Variants in JMJD1C observed in about 807,000 individuals in gnomAD.
JMJD1C encodes the protein jumonji domain containing 1C, also known as jumonji domain-containing protein 1C.
Under a neutral mutation model 245.3 loss-of-function variants are expected in JMJD1C, and 31 were observed. The ratio of observed to expected loss-of-function variants is 0.13; its 90% confidence interval spans 0.09 to 0.17. The LOEUF (loss-of-function observed/expected upper bound fraction) is 0.17, where lower values mean the gene tolerates loss of function less well. Among genes scored for constraint, JMJD1C ranks in the 10% least tolerant of loss-of-function variants. The pLI, the probability that JMJD1C is intolerant of heterozygous loss-of-function variation, is 1.00. For missense variants in JMJD1C, 2,691 were observed against 3,000.2 expected, an observed-to-expected ratio of 0.90 and a Z score of 2.41; for synonymous variants, 1,057 against 1,017.4, an observed-to-expected ratio of 1.04 and a Z score of -0.74.
chr10:63,283,008 C>A (rs997866782), intron 2 of JMJD1C, among the ~76,000 whole-genome samples: 2 of 152,206 alleles, frequency 1.3e-5, no homozygotes, highest in Non-Finnish European at 2.9e-5. Context: ...TGAGCCACAG[C>A]GCCCAGCCCT....
At chr10:63,443,806 T>C (rs921374868) in intron 1 of JMJD1C, among the ~76,000 whole-genome samples, 2 of 152,222 alleles carry the variant, frequency 1.3e-5, no homozygotes, top group African/African-American at 4.8e-5. Flanking sequence ...CCTGAAGTTA[T>C]CTAGAAGTCC....
At chr10:63,411,419 C>T (rs1589695925) in intron 1 of JMJD1C, among the ~76,000 whole-genome samples, 3 of 151,726 alleles carry the variant, frequency 2.0e-5, no homozygotes, top group East Asian at 3.9e-4. Flanking sequence ...CTGCCTCAGC[C>T]TCCTGAATAG....
chr10:63,256,946 A>G (rs1343461000), intron 3 of JMJD1C, among the ~76,000 whole-genome samples: 14 of 152,256 alleles, frequency 9.2e-5, no homozygotes, highest in African/African-American at 3.1e-4. Flanking sequence ...ATATAGAAAA[A>G]GAGAGTAGCC....
Position 63,193,340 on chromosome 10 carries a change from C to A in JMJD1C, c.5862+5G>T. 6.3e-7 allele frequency: 1 copy of A among 1,578,714 alleles called. No homozygotes were observed. Among genetic ancestry groups the A allele is most frequent in the South Asian group, 1.2e-5 (1 of 85,106 alleles). ...TTATTTGAATAACCAGAGATTTTTA[C>A]TCACTTGAGATACACCATTCATTGT... On this transcript the variant is annotated splice_donor_5th_base_variant and intron_variant, in intron 15 of 25. Transcript: ENST00000399262.
At chr10:63,303,079 T>C (rs1331057196) in intron 2 of JMJD1C, among the ~76,000 whole-genome samples, 4 of 151,936 alleles carry the variant, frequency 2.6e-5, no homozygotes, top group Admixed American at 6.6e-5. Context: ...AAGAAAGTAA[T>C]AGGAAAAAAA....
At chr10:63,422,276 G>A (rs1950170744) in intron 1 of JMJD1C, among the ~76,000 whole-genome samples, 1 of 152,136 alleles carries the variant, frequency 6.6e-6, no homozygotes, top group African/African-American at 2.4e-5. Flanking sequence ...GCCATGTGTG[G>A]TGGTGTGCGC....
intron 3 of JMJD1C, among the ~76,000 whole-genome samples, chr10:63,248,676 T>C (rs1031247864): frequency 1.3e-5 from 2 of 152,124 alleles, no homozygotes; most frequent in Admixed American, 6.6e-5. Context: ...ACATGGAAAC[T>C]TCTCAGAAAA....
chr10:63,263,959 TACACACACACACACACACACAC>T (rs746833882), intron 3 of JMJD1C, among the ~76,000 whole-genome samples: 1,415 of 83,022 alleles, frequency 0.017, 36 homozygotes, highest in African/African-American at 0.042. Flanking sequence ...AAAATACACA[TACACACACACACACACACACAC>T]ACACACACAC....
intron 2 of JMJD1C, among the ~76,000 whole-genome samples, chr10:63,344,037 CA>C (rs960299948): frequency 1.3e-5 from 2 of 152,026 alleles, no homozygotes; most frequent in African/African-American, 4.8e-5. Flanking sequence ...GACCCTGTCT[CA>C]AGAAACAAAA....
chr10:63,445,795 G>A (rs1951677557), intron 1 of JMJD1C, among the ~76,000 whole-genome samples: 1 of 149,558 alleles, frequency 6.7e-6, no homozygotes, highest in Non-Finnish European at 1.5e-5. Flanking sequence ...GAAAATCTAG[G>A]CAAAAGATAA....
intron 3 of JMJD1C, among the ~76,000 whole-genome samples, chr10:63,247,719 C>CAAAAAAAAA (rs71025135): frequency 1.5e-4 from 16 of 105,460 alleles, no homozygotes; most frequent in East Asian, 3.1e-4. Context: ...GTGACAGAGC[C>CAAAAAAAAA]AAAAAAAAAA....
intron 2 of JMJD1C, among the ~76,000 whole-genome samples, chr10:63,274,705 CTTT>C (rs1274194182): frequency 6.6e-6 from 1 of 152,102 alleles, no homozygotes; most frequent in Non-Finnish European, 1.5e-5. Flanking sequence ...GACCTTAAGA[CTTT>C]TTTAACTCTC....
At chr10:63,324,581 C>T in intron 2 of JMJD1C, among the ~76,000 whole-genome samples, 1 of 152,156 alleles carries the variant, frequency 6.6e-6, no homozygotes, top group East Asian at 1.9e-4. Flanking sequence ...TTCCTTCATT[C>T]AATGAATGCT....
At position 63,465,945 on chromosome 10, in the gene JMJD1C, C is replaced by A. The variant is rs1419840599; in HGVS notation, c.-283G>T. Reference sequence around the variant, plus strand: ...GCGGCCGTCGAAGACCCCGAGGCAGCCCAGCCGCCGCCACCGCGCCGCGGC... The same window carrying A: ...GCGGCCGTCGAAGACCCCGAGGCAGACCAGCCGCCGCCACCGCGCCGCGGC... On this transcript the variant is annotated 5_prime_UTR_variant, in exon 1 of 26. Coordinates refer to ENST00000399262, the MANE Select transcript of JMJD1C (RefSeq NM_032776.3). 1.8e-6 allele frequency: 1 copy of A among 540,616 alleles called. No homozygotes were observed. Among genetic ancestry groups the A allele is most frequent in the Admixed American group, 2.8e-5 (1 of 35,470 alleles). The allele number at this position is 540,616 out of a possible 1,614,324, so 33.5% of individuals were successfully genotyped here. A position where few individuals can be genotyped will look rare whatever the true frequency, so the allele number is the denominator to read the frequency against.
chr10:63,229,277 G>A (rs538182480), intron 3 of JMJD1C, among the ~76,000 whole-genome samples: 3 of 151,974 alleles, frequency 2.0e-5, no homozygotes, highest in Admixed American at 6.6e-5. Flanking sequence ...TAATTCAGAC[G>A]TCTAGAATCC....
chr10:63,349,629 A>G (rs1279926979), intron 2 of JMJD1C, among the ~76,000 whole-genome samples: 1 of 152,174 alleles, frequency 6.6e-6, no homozygotes, highest in Non-Finnish European at 1.5e-5. Flanking sequence ...ATTGCAACCA[A>G]TGGAATCCTT....
intron 8 of JMJD1C, among the ~76,000 whole-genome samples, chr10:63,209,814 A>G (rs1370316799): frequency 1.3e-5 from 2 of 152,162 alleles, no homozygotes; most frequent in Non-Finnish European, 2.9e-5. Flanking sequence ...AATAAAGTTA[A>G]TTTTATACAT....
chr10:63,427,708 G>GGT (rs1247392736), intron 1 of JMJD1C: 1 of 1,319,994 alleles, frequency 7.6e-7, no homozygotes, highest in East Asian at 2.3e-5. Context: ...TAGCTTATTT[G>GGT]GTGTCTCCAG....
chr10:63,264,061 C>T (rs1403583913), intron 3 of JMJD1C, among the ~76,000 whole-genome samples: 1 of 148,464 alleles, frequency 6.7e-6, no homozygotes, highest in African/African-American at 2.5e-5. Context: ...TTTCAACAAT[C>T]TTAAAAAATA....
Sources: allele counts gnomAD v4.1 joint callset (sites outside exome capture counted in the v4.1 genomes callset), GRCh38; gene constraint gnomAD v4.1.1; transcripts MANE v1.5; gene names NCBI Gene and HGNC (gene_info 2026-07-23, HGNC 2026-07-21).